The following RSL1D1 variants were observed in gnomAD, a reference collection of about 807,000 sequenced individuals.
The protein encoded by RSL1D1 is ribosomal L1 domain-containing protein 1.
Under a neutral mutation model 44.6 loss-of-function variants are expected in RSL1D1, and 34 were observed. The observed-to-expected ratio is 0.76, with a 90% CI of 0.58 to 1.02. RSL1D1 has a LOEUF of 1.02. RSL1D1 is among the 50% of genes least tolerant of loss of function. The probability of loss-of-function intolerance (pLI) is 0.00; values close to 1 mark genes in which losing one functional copy is unlikely to be tolerated. For synonymous variants in RSL1D1, 271 were observed against 207.4 expected (o/e 1.31, Z -2.63); for missense variants, 767 against 568.1 (o/e 1.35, Z -3.56).
chr16:11,841,883 A>G (rs1347330418), intron 6 of RSL1D1, 24 bp downstream of exon 6: 5 of 1,611,688 alleles, frequency 3.1e-6, no homozygotes, highest in African/African-American at 1.3e-5. Flanking sequence ...TGAACAATCA[A>G]TTGATGCACC....
intron 2 of RSL1D1, chr16:11,849,450 G>A (rs1233577099): frequency 2.7e-5 from 4 of 150,880 alleles, no homozygotes; most frequent in Non-Finnish European, 5.9e-5. Flanking sequence ...TAAACCAAGA[G>A]GGACCAGCAA....
chr16:11,849,067 C>A (rs11645213), intron 2 of RSL1D1, among the ~76,000 whole-genome samples: 65,268 of 151,854 alleles, frequency 0.43, 16,744 homozygotes, highest in Non-Finnish European at 0.58. Context: ...GGATGAGTCA[C>A]CATGCCCAGC....
intron 7 of RSL1D1, among the ~76,000 whole-genome samples, chr16:11,840,218 C>G (rs1450673539): frequency 6.6e-6 from 1 of 152,156 alleles, no homozygotes; most frequent in Non-Finnish European, 1.5e-5. Flanking sequence ...ATCTGACTAT[C>G]TAAAGTATAC....
chr16:11,839,525 CTA>C (rs1491310336), intron 8 of RSL1D1, among the ~76,000 whole-genome samples, 168 bp downstream of exon 8: 5 of 74,348 alleles, frequency 6.7e-5, no homozygotes, highest in Non-Finnish European at 1.4e-4. Context: ...AAGATCCCAT[CTA>C]AAAAAAAAAA....
At chr16:11,848,572 T>A (rs779245494) in intron 2 of RSL1D1, among the ~76,000 whole-genome samples, 1 of 152,220 alleles carries the variant, frequency 6.6e-6, no homozygotes, top group Non-Finnish European at 1.5e-5. Flanking sequence ...TACCCAAGGC[T>A]GCAGTGCAGT....
chr16:11,843,734 T>C (rs1489254516), intron 5 of RSL1D1, among the ~76,000 whole-genome samples: 1 of 150,774 alleles, frequency 6.6e-6, no homozygotes, highest in African/African-American at 2.4e-5. Flanking sequence ...AGCTGGGCAT[T>C]GTGGTGGGCG....
At chr16:11,849,535 C>T (rs558630951) in intron 2 of RSL1D1, 1 of 152,248 alleles carries the variant, frequency 6.6e-6, no homozygotes, top group African/African-American at 2.4e-5. Context: ...AACCTATGTT[C>T]TGAAGAAGCA....
At chr16:11,842,240 T>C (rs1404815708) in intron 5 of RSL1D1, among the ~76,000 whole-genome samples, 1 of 150,760 alleles carries the variant, frequency 6.6e-6, no homozygotes, top group African/African-American at 2.4e-5. Context: ...GGCAGAAAAA[T>C]CACCTGAGCC....
rs903083622 is a variant in RSL1D1, at chr16:11,834,946, A to C, written c.*2841T>G. The C allele has an allele frequency of 9.2e-5, 14 of 152,222 alleles. No homozygotes were observed. The East Asian group carries it at 2.3e-3, about 25-fold the overall frequency. The allele number at this position is 152,222 out of a possible 1,614,324, so 9.4% of individuals were successfully genotyped here. ...GGGAACACAGGGAAAACCCATCTCT[A>C]CGCAAGACGTAAAAACTGGCCAGCT... On this transcript the variant is annotated 3_prime_UTR_variant, in exon 9 of 9. Coordinates refer to ENST00000571133, the MANE Select transcript of RSL1D1 (RefSeq NM_015659.3).
At position 11,834,061 on chromosome 16, in the gene RSL1D1, A is replaced by T. The variant is rs2215928; in HGVS notation, c.*3726T>A. 0.45 allele frequency: 68,900 copies of T among 151,910 alleles called. 17,708 individuals carry two copies. Among genetic ancestry groups the T allele is most frequent in the Non-Finnish European group, 0.59 (40,182 of 67,918 alleles). The allele number at this position is 151,910 out of a possible 1,614,324, so 9.4% of individuals were successfully genotyped here. The stretch of plus-strand genomic sequence containing the variant: ...CTCATACTTGGCCCACGAGAACATC[A>T]TATACCATAGTAGAGATTTCGCCCT... On this transcript the variant is annotated 3_prime_UTR_variant, in exon 9 of 9. Coordinates refer to ENST00000571133, the MANE Select transcript of RSL1D1 (RefSeq NM_015659.3).
intron 7 of RSL1D1, among the ~76,000 whole-genome samples, chr16:11,840,317 G>A (rs1270150770): frequency 1.3e-5 from 2 of 152,052 alleles, no homozygotes; most frequent in African/African-American, 4.8e-5. Context: ...TGTAATCACA[G>A]CACTCAGGGA....
chr16:11,841,612 A>G (rs2053764135), intron 7 of RSL1D1, 83 bp downstream of exon 7: 1 of 1,276,390 alleles, frequency 7.8e-7, no homozygotes, highest in Non-Finnish European at 1.1e-6. Context: ...AAAGTCGGGC[A>G]GCGATGATGG....
chr16:11,849,427 C>T (rs1456823604), intron 2 of RSL1D1: 1 of 149,990 alleles, frequency 6.7e-6, no homozygotes, highest in Non-Finnish European at 1.5e-5. Flanking sequence ...GAATCGAAAC[C>T]AAAAACATGG....
At chr16:11,838,876 A>AAC (rs1388763070) in intron 8 of RSL1D1, among the ~76,000 whole-genome samples, 4 of 151,516 alleles carry the variant, frequency 2.6e-5, no homozygotes, top group Non-Finnish European at 5.9e-5. Context: ...AAACAAAAAA[A>AAC]AACTGTGAAG....
chr16:11,843,913 C>T (rs2053781474), intron 5 of RSL1D1, among the ~76,000 whole-genome samples: 1 of 143,138 alleles, frequency 7.0e-6, no homozygotes, highest in South Asian at 2.3e-4. Flanking sequence ...TAGTTCTTGT[C>T]CCTGGTGGAA....
In RSL1D1 at chr16:11,837,608, C is replaced by A; in HGVS notation, c.*179G>T. 1 of 573,562 alleles carries A rather than the reference C, an allele frequency of 1.7e-6. No homozygotes were observed. 35.5% of individuals were successfully genotyped at this position (573,562 alleles called of 1,614,324 possible). A position where few individuals can be genotyped will look rare whatever the true frequency, so the allele number is the denominator to read the frequency against. ...CTTGTGATCCGCCTGCCTCGGCCTC[C>A]CAAAGTGCTGGGATTACAGGCGTGA... is the stretch of plus-strand genomic sequence containing the variant. On this transcript the variant is annotated 3_prime_UTR_variant, in exon 9 of 9. Coordinates refer to ENST00000571133, the MANE Select transcript of RSL1D1 (RefSeq NM_015659.3).
intron 5 of RSL1D1, among the ~76,000 whole-genome samples, chr16:11,843,537 T>C (rs369675077): frequency 3.7e-4 from 56 of 151,942 alleles, no homozygotes; most frequent in Non-Finnish European, 2.9e-4. Flanking sequence ...GCTCTCTCTA[T>C]AGTTCTACTG....
Position 11,837,966 on chromosome 16 carries a change from G to A in RSL1D1, c.1294C>T (p.Pro432Ser), listed in dbSNP as rs754400006. 2.5e-6 allele frequency: 4 copies of A among 1,613,768 alleles called. No individual in the cohort carries two copies. The highest frequency in any genetic ancestry group is 2.5e-6 in the Non-Finnish European group (3 of 1,179,974). ...ETPGKSPEKKPKIKEEAVKEK... is the reference protein window; with the variant it reads ...ETPGKSPEKKSKIKEEAVKEK... ...TTCACTGCCTCTTCTTTGATTTTTG[G>A]CTTCTTCTCTGGGCTTTTCCCTGGG... Residue 432 changes from proline (P) to serine (S), a missense_variant, in exon 9 of 9, where the codon CCA (proline) becomes TCA (serine). By Grantham distance (74) the Pro-to-Ser change is moderately conservative. Coordinates refer to ENST00000571133, the MANE Select transcript of RSL1D1 (RefSeq NM_015659.3).
chr16:11,839,819 G>A lies in RSL1D1; in HGVS notation c.1022C>T (p.Pro341Leu). 1.2e-6 allele frequency: 2 copies of A among 1,614,066 alleles called. No individual in the cohort carries two copies. The highest frequency in any genetic ancestry group is 1.7e-6 in the Non-Finnish European group (2 of 1,180,022). The change falls in exon 8 of 9, where the codon CCA becomes CTA. Residue 341 changes from proline (P) to leucine (L), a missense_variant. Transcript: ENST00000571133. ...KKPESKKEQT[P>L]EHGKKKRGRG... ...GCCACGTTTTTTCTTCCCATGCTCT[G>A]GGGTCTGTTCCTTCTTTGATTCAGG...
Sources: gnomAD v4.1 joint callset for allele counts (sites outside exome capture counted in the v4.1 genomes callset) on GRCh38, gnomAD v4.1.1 for gene constraint, MANE v1.5 for transcripts, NCBI Gene and HGNC (gene_info 2026-07-23, HGNC 2026-07-21) for gene names.